DPF3: variants seen among roughly 807,000 people sequenced by gnomAD.
DPF3 encodes double PHD fingers 3.
A neutral mutation model predicts 56.8 loss-of-function variants in DPF3; 18 were observed. The ratio of observed to expected loss-of-function variants is 0.32; its 90% confidence interval spans 0.22 to 0.47. DPF3 has a LOEUF of 0.47. Ranked by LOEUF, DPF3 falls within the 20% of genes least tolerant of loss-of-function variation. The pLI is 1.00. For missense variants in DPF3, 403 were observed against 488.8 expected (o/e 0.82, Z 1.65); for synonymous variants, 188 against 180.2 (o/e 1.04, Z -0.35).
intron 1 of DPF3, among the ~76,000 whole-genome samples, chr14:72,889,972 G>C (rs1034960149): frequency 6.6e-6 from 1 of 152,126 alleles, no homozygotes; most frequent in Non-Finnish European, 1.5e-5. Flanking sequence ...AGCCCTGTTG[G>C]TTCATATGGA....
chr14:72,731,640 A>T, intron 4 of DPF3, 167 bp downstream of exon 4: 3 of 872,346 alleles, frequency 3.4e-6, no homozygotes, highest in Non-Finnish European at 5.2e-6. Context: ...AAGATAGGTT[A>T]AGTCAGAAAA....
chr14:72,833,587 C>T (rs1172896206), intron 1 of DPF3, among the ~76,000 whole-genome samples: 1 of 151,904 alleles, frequency 6.6e-6, no homozygotes, highest in Non-Finnish European at 1.5e-5. Context: ...AATTTAAGGG[C>T]AGTCAGGGAA....
chr14:72,789,744 G>C lies in DPF3; in HGVS notation c.33-17851C>G, dbSNP rs527515686. Among the ~76,000 whole-genome samples the C allele has an allele frequency of 1.5e-4, 23 of 151,900 alleles. No homozygotes were observed. In the South Asian group the frequency reaches 4.8e-3, roughly 32 times the overall value. On this transcript the variant is annotated intron_variant, in intron 1 of 10. Coordinates refer to ENST00000556509, the MANE Select transcript of DPF3 (RefSeq NM_001280542.3). ...GATCGTGTCTCACTTTGTTGCCCAG[G>C]CTGGTCTCAAACTCCTGGACTCAAG...
At chr14:72,815,380 C>A (rs1883240288) in intron 1 of DPF3, among the ~76,000 whole-genome samples, 1 of 152,244 alleles carries the variant, frequency 6.6e-6, no homozygotes, top group South Asian at 2.1e-4. Context: ...TTACACACTG[C>A]GTGTGGGAAT....
At chr14:72,863,450 G>A (rs973271555) in intron 1 of DPF3, among the ~76,000 whole-genome samples, 1 of 148,606 alleles carries the variant, frequency 6.7e-6, no homozygotes, top group Non-Finnish European at 1.5e-5. Flanking sequence ...AGAAACACAT[G>A]TTTAAAAACT....
At chr14:72,882,783 G>A (rs1886368545) in intron 1 of DPF3, among the ~76,000 whole-genome samples, 1 of 151,506 alleles carries the variant, frequency 6.6e-6, no homozygotes, top group Non-Finnish European at 1.5e-5. Flanking sequence ...CCTATCACCA[G>A]CACCGCGTTG....
chr14:72,740,214 G>A (rs1368486872), intron 3 of DPF3, among the ~76,000 whole-genome samples: 3 of 152,212 alleles, frequency 2.0e-5, no homozygotes, highest in Non-Finnish European at 4.4e-5. Flanking sequence ...CAGGGGCATT[G>A]AAGGCCATGT....
intron 8 of DPF3, among the ~76,000 whole-genome samples, chr14:72,660,748 G>A (rs1177664614): frequency 1.3e-5 from 2 of 152,210 alleles, no homozygotes; most frequent in Non-Finnish European, 2.9e-5. Context: ...TGGCCATGGA[G>A]AGGGTGATGA....
intron 8 of DPF3, among the ~76,000 whole-genome samples, chr14:72,652,462 G>A (rs1360251365): frequency 6.6e-6 from 1 of 152,168 alleles, no homozygotes; most frequent in Admixed American, 6.5e-5. Context: ...GATGGTGCTG[G>A]GGGGAGGCGG....
At chr14:72,888,878 G>T (rs1226808685) in intron 1 of DPF3, among the ~76,000 whole-genome samples, 1 of 152,140 alleles carries the variant, frequency 6.6e-6, no homozygotes, top group Admixed American at 6.5e-5. Context: ...CTGGATTCTG[G>T]TGCCTCTTTA....
chr14:72,701,344 C>T (rs1888152149), intron 6 of DPF3, among the ~76,000 whole-genome samples: 1 of 152,246 alleles, frequency 6.6e-6, no homozygotes, highest in African/African-American at 2.4e-5. Context: ...GGAGGTCCAG[C>T]TTGCCTTCTC....
At chr14:72,682,481 G>A (rs560754131) in intron 7 of DPF3, among the ~76,000 whole-genome samples, 1 of 152,154 alleles carries the variant, frequency 6.6e-6, no homozygotes, top group Admixed American at 6.5e-5. Context: ...AGCTTGGTGT[G>A]TTAGAGCTGG....
At chr14:72,647,249 A>T (rs564270265) in intron 8 of DPF3, among the ~76,000 whole-genome samples, 1 of 152,298 alleles carries the variant, frequency 6.6e-6, no homozygotes, top group East Asian at 1.9e-4. Context: ...GGCACCACTA[A>T]ACCTCTACGC....
chr14:72,837,504 G>A (rs910753868), intron 1 of DPF3, among the ~76,000 whole-genome samples: 3 of 151,966 alleles, frequency 2.0e-5, no homozygotes, highest in African/African-American at 7.2e-5. Flanking sequence ...TTGGGAAGCC[G>A]AGGCGGGTGG....
At position 72,848,945 on chromosome 14, in the gene DPF3, C is replaced by T. The variant is rs143489855; in HGVS notation, c.32+45112G>A. Among the ~76,000 whole-genome samples the T allele has an allele frequency of 5.7e-3, 875 of 152,286 alleles. 5 individuals are homozygous for T. Among genetic ancestry groups the T allele is most frequent in the Non-Finnish European group, 9.1e-3 (621 of 68,026 alleles). On this transcript the variant is annotated intron_variant, in intron 1 of 10. Transcript: ENST00000556509. ...ACTGTGTGCCAGGTTCTGTACTAAG[C>T]GCTTCACATACATTATGGCATTCAT... is the stretch of plus-strand genomic sequence containing the variant.
intron 2 of DPF3, among the ~76,000 whole-genome samples, chr14:72,771,122 G>C (rs542093954): frequency 9.7e-4 from 147 of 151,362 alleles, no homozygotes; most frequent in African/African-American, 2.3e-3. Flanking sequence ...AGTCGAGATC[G>C]CACCACTGCA....
At chr14:72,822,469 T>G (rs140624758) in intron 1 of DPF3, among the ~76,000 whole-genome samples, 1 of 152,136 alleles carries the variant, frequency 6.6e-6, no homozygotes, top group African/African-American at 2.4e-5. Flanking sequence ...ATGCTACTAT[T>G]TGAAGGGAGA....
chr14:72,817,863 C>A (rs1382169869), intron 1 of DPF3, among the ~76,000 whole-genome samples: 2 of 152,092 alleles, frequency 1.3e-5, no homozygotes, highest in Non-Finnish European at 2.9e-5. Context: ...AACTGGATAT[C>A]CATATTTTAA....
chr14:72,742,563 C>T, intron 3 of DPF3: 1 of 152,640 alleles, frequency 6.6e-6, no homozygotes, highest in Non-Finnish European at 1.5e-5. Context: ...GAGCCGCTGA[C>T]AGGCTCATCA....
Sources: gnomAD v4.1 joint callset for allele counts (sites outside exome capture counted in the v4.1 genomes callset) on GRCh38, gnomAD v4.1.1 for gene constraint, MANE v1.5 for transcripts, NCBI Gene and HGNC (gene_info 2026-07-23, HGNC 2026-07-21) for gene names.